ADISSP: variants seen among roughly 807,000 people sequenced by gnomAD.
ADISSP encodes the protein adipose-secreted signaling protein.
chr20:3,761,632 G>C, the ADISSP span, among the ~76,000 whole-genome samples: 766 of 152,294 alleles, frequency 5.0e-3, 4 homozygotes, highest in Non-Finnish European at 8.2e-3. Context: ...CACCATGCCT[G>C]GCCGAGGACC....
At chr20:3,760,106 C>G in the ADISSP span, 1 of 1,610,036 alleles carries the variant, frequency 6.2e-7, no homozygotes, top group Non-Finnish European at 8.5e-7. Flanking sequence ...GCCATGGACG[C>G]CCTCCCTGCC....
chr20:3,762,133 G>T, the ADISSP span, among the ~76,000 whole-genome samples: 14 of 152,144 alleles, frequency 9.2e-5, no homozygotes, highest in African/African-American at 3.4e-4. Context: ...TTAGCCGGGT[G>T]TGGTGGCGGG....
chr20:3,761,716 C>A, the ADISSP span, among the ~76,000 whole-genome samples: 1 of 152,306 alleles, frequency 6.6e-6, no homozygotes, highest in Admixed American at 6.5e-5. Context: ...TGGTCTATCT[C>A]TCTACTCTCT....
At chr20:3,767,043 G>A in the ADISSP span, among the ~76,000 whole-genome samples, 63 of 151,950 alleles carry the variant, frequency 4.1e-4, no homozygotes, top group South Asian at 3.8e-3. Context: ...ATCCTCTCCG[G>A]CAGCCATCCC....
the ADISSP span, chr20:3,758,795 G>T: frequency 2.1e-6 from 2 of 964,894 alleles, no homozygotes; most frequent in Non-Finnish European, 3.1e-6. This position sits in a 1 kb window ranked among gnomAD's most constrained non-coding sequence, Gnocchi z 5.5. Flanking sequence ...CACTGGCTGG[G>T]CTCTTTTCAG....
the ADISSP span, chr20:3,754,566 C>T: frequency 1.0e-5 from 16 of 1,591,734 alleles, no homozygotes; most frequent in East Asian, 1.8e-4. Flanking sequence ...CCAGCCTCCC[C>T]GATCCTGCCC....
chr20:3,754,264 A>T, the ADISSP span: 1 of 1,464,452 alleles, frequency 6.8e-7, no homozygotes, highest in East Asian at 2.3e-5. Context: ...GGAGGTAGGG[A>T]CCTGCCAAGG....
the ADISSP span, chr20:3,754,355 G>A: frequency 6.3e-7 from 1 of 1,597,018 alleles, no homozygotes; most frequent in African/African-American, 1.3e-5. Flanking sequence ...TCGCAGTCGA[G>A]CTTGTGCATC....
At chr20:3,762,941 C>T in the ADISSP span, among the ~76,000 whole-genome samples, 1 of 152,084 alleles carries the variant, frequency 6.6e-6, no homozygotes, top group Non-Finnish European at 1.5e-5. Context: ...GAGGGTGTTT[C>T]GAACTACCTA....
At chr20:3,755,240 C>A in the ADISSP span, among the ~76,000 whole-genome samples, 26 of 152,154 alleles carry the variant, frequency 1.7e-4, no homozygotes, top group Admixed American at 1.4e-3. Flanking sequence ...ACGGAGGTAA[C>A]CATCACACCA....
chr20:3,760,002 C>T, the ADISSP span: 28 of 1,607,040 alleles, frequency 1.7e-5, no homozygotes, highest in Admixed American at 3.3e-5. Context: ...TGGTGCGGGC[C>T]CTACCTGCAG....
At chr20:3,754,652 G>C in the ADISSP span, 1 of 913,422 alleles carries the variant, frequency 1.1e-6, no homozygotes, top group Non-Finnish European at 1.7e-6. Context: ...GGCAGGGATG[G>C]CCCTTCTGGA....
the ADISSP span, among the ~76,000 whole-genome samples, chr20:3,758,045 T>C: frequency 1.3e-5 from 2 of 152,208 alleles, 1 homozygote. This position sits in a 1 kb window ranked among gnomAD's most constrained non-coding sequence, Gnocchi z 5.5. Flanking sequence ...TCAAAGAGCC[T>C]AACTGAGCCA....
the ADISSP span, among the ~76,000 whole-genome samples, chr20:3,763,077 G>A: frequency 3.9e-5 from 6 of 151,984 alleles, no homozygotes; most frequent in Non-Finnish European, 7.4e-5. Context: ...CCAACATGGC[G>A]AAACCCCATC....
chr20:3,760,780 G>A, the ADISSP span, among the ~76,000 whole-genome samples: 1 of 152,124 alleles, frequency 6.6e-6, no homozygotes, highest in Non-Finnish European at 1.5e-5. Context: ...TTCAGACCCT[G>A]CCCTGAGTCT....
the ADISSP span, chr20:3,754,556 C>T: frequency 6.3e-7 from 1 of 1,596,886 alleles, no homozygotes; most frequent in Non-Finnish European, 8.6e-7. Flanking sequence ...AGCACCTCCC[C>T]CAGCCTCCCC....
the ADISSP span, among the ~76,000 whole-genome samples, chr20:3,760,569 G>T: frequency 6.6e-6 from 1 of 152,208 alleles, no homozygotes; most frequent in Non-Finnish European, 1.5e-5. Flanking sequence ...GACCCCAAAG[G>T]CTGGGCCTGG....
the ADISSP span, among the ~76,000 whole-genome samples, chr20:3,762,216 G>A: frequency 1.3e-5 from 2 of 151,686 alleles, no homozygotes; most frequent in Non-Finnish European, 2.9e-5. Context: ...AGGTTGCAGT[G>A]AGCCAAGATC....
the ADISSP span, among the ~76,000 whole-genome samples, chr20:3,764,502 C>T: frequency 2.0e-5 from 3 of 152,234 alleles, no homozygotes; most frequent in South Asian, 6.2e-4. Context: ...CCAGCCACAC[C>T]TTCGACAGGG....
Sources: allele counts gnomAD v4.1 joint callset (sites outside exome capture counted in the v4.1 genomes callset), GRCh38; gene constraint gnomAD v4.1.1; non-coding constraint Gnocchi (gnomAD v3.1); transcripts MANE v1.5; gene names NCBI Gene and HGNC (gene_info 2026-07-23, HGNC 2026-07-21).